ADGRB3: variants seen among roughly 807,000 people sequenced by gnomAD.
ADGRB3 encodes the protein brain-specific angiogenesis inhibitor 3.
A neutral mutation model predicts 193.4 loss-of-function variants in ADGRB3; 37 were observed. The observed-to-expected ratio is 0.19, with a 90% confidence interval of 0.15 to 0.25. The LOEUF is 0.25. ADGRB3 is among the 10% of genes least tolerant of loss of function. The pLI, the probability that ADGRB3 is intolerant of heterozygous loss-of-function variation, is 1.00. For synonymous variants in ADGRB3, 690 were observed against 644.2 expected (o/e 1.07, Z -1.08); for missense variants, 1,637 against 1,852.9 (o/e 0.88, Z 2.14).
chr6:68,697,911 TTTC>T (rs1385674015), intron 3 of ADGRB3, among the ~76,000 whole-genome samples: 1 of 151,660 alleles, frequency 6.6e-6, no homozygotes, highest in Non-Finnish European at 1.5e-5. Flanking sequence ...TAAAATTATA[TTTC>T]TTCATCTGTA....
chr6:68,875,040 C>T (rs1490512555), intron 3 of ADGRB3, among the ~76,000 whole-genome samples: 1 of 132,722 alleles, frequency 7.5e-6, no homozygotes, highest in Non-Finnish European at 1.7e-5. Context: ...TCTTTCTTTC[C>T]TCCTTCCTTC....
chr6:69,253,721 T>C (rs554466568), intron 20 of ADGRB3, among the ~76,000 whole-genome samples: 3 of 152,142 alleles, frequency 2.0e-5, no homozygotes, highest in African/African-American at 7.2e-5. Flanking sequence ...ATATTTTATG[T>C]GATTGCTTCC....
chr6:69,186,372 T>C (rs73745978), intron 17 of ADGRB3, among the ~76,000 whole-genome samples: 21,769 of 151,982 alleles, frequency 0.14, 1,603 homozygotes, highest in Middle Eastern at 0.16. Flanking sequence ...CATTGACTTT[T>C]TTCCCACTCA....
At chr6:69,352,333 A>G (rs1012906593) in intron 26 of ADGRB3, among the ~76,000 whole-genome samples, 1 of 152,248 alleles carries the variant, frequency 6.6e-6, no homozygotes, top group African/African-American at 2.4e-5. Context: ...TTATTTAGTT[A>G]TAAATATTTA....
At chr6:69,237,281 A>G (rs1356002114) in intron 19 of ADGRB3, among the ~76,000 whole-genome samples, 2 of 152,090 alleles carry the variant, frequency 1.3e-5, no homozygotes, top group South Asian at 2.1e-4. Context: ...TTTGATTTCT[A>G]AGGAGTTGTA....
chr6:69,164,437 A>T (rs1775080074), intron 17 of ADGRB3, among the ~76,000 whole-genome samples: 1 of 152,140 alleles, frequency 6.6e-6, no homozygotes, highest in Non-Finnish European at 1.5e-5. Context: ...CGGTAAGCAG[A>T]TGTTATCACA....
At chr6:68,652,826 G>A (rs946731336) in intron 3 of ADGRB3, among the ~76,000 whole-genome samples, 2 of 151,996 alleles carry the variant, frequency 1.3e-5, no homozygotes, top group Non-Finnish European at 2.9e-5. Context: ...TTCCTTTGGT[G>A]TTTACACATA....
intron 17 of ADGRB3, among the ~76,000 whole-genome samples, chr6:69,092,032 T>C (rs1350178001): frequency 6.6e-6 from 1 of 152,232 alleles, no homozygotes; most frequent in East Asian, 1.9e-4. Context: ...ATTTCCATTT[T>C]TTAAGCTTCA....
intron 17 of ADGRB3, among the ~76,000 whole-genome samples, chr6:69,199,576 A>G (rs910767899): frequency 1.3e-5 from 2 of 152,142 alleles, no homozygotes; most frequent in Non-Finnish European, 2.9e-5. Context: ...AAGTTTCTAA[A>G]AGTTAAGTTG....
chr6:69,245,231 A>G (rs1053934228), intron 20 of ADGRB3, among the ~76,000 whole-genome samples: 2 of 152,054 alleles, frequency 1.3e-5, no homozygotes, highest in African/African-American at 4.8e-5. Context: ...TTACAGTATT[A>G]TCAATCCCAT....
At position 69,239,120 on chromosome 6, in the gene ADGRB3, C is replaced by G; in HGVS notation, c.2712-4C>G. The G allele has an allele frequency of 6.4e-7, 1 of 1,552,658 alleles. No homozygotes were observed. The highest frequency in any genetic ancestry group is 8.9e-7 in the Non-Finnish European group (1 of 1,129,676). ...AGTTGGGTAACTTTTCTCTCTCTGGCTAGGTACATACGCTCTGAGAGATCC... is the reference window on the plus strand; with the variant it reads ...AGTTGGGTAACTTTTCTCTCTCTGGGTAGGTACATACGCTCTGAGAGATCC... On this transcript the variant is annotated splice_polypyrimidine_tract_variant and splice_region_variant and intron_variant, in intron 19 of 31. Transcript: ENST00000370598.
At chr6:69,343,136 ATTTTAT>A (rs1195669440) in intron 26 of ADGRB3, among the ~76,000 whole-genome samples, 2 of 97,980 alleles carry the variant, frequency 2.0e-5, no homozygotes, top group Non-Finnish European at 4.3e-5. Context: ...AGCCTAATTT[ATTTTAT>A]TTTTTTTATT....
At chr6:69,278,807 A>G (rs955523355) in intron 20 of ADGRB3, among the ~76,000 whole-genome samples, 2 of 151,908 alleles carry the variant, frequency 1.3e-5, no homozygotes, top group African/African-American at 4.8e-5. Context: ...GAGTAATAAT[A>G]TTGTCTTAGA....
rs192878787 is a variant in ADGRB3, at chr6:69,039,446, T to C, written c.2108-8739T>C. On this transcript the variant is annotated intron_variant, in intron 13 of 31. Coordinates refer to ENST00000370598, the MANE Select transcript of ADGRB3 (RefSeq NM_001704.3). ...GAGGGCTACCGTATGTCTAAGATGA[T>C]GTAGGCAAGCTTTTTCTGTAAAGGG... is the stretch of plus-strand genomic sequence containing the variant. Among the ~76,000 whole-genome samples the C allele has an allele frequency of 2.4e-3, 360 of 152,202 alleles. 1 individual carries two copies. Among genetic ancestry groups the C allele is most frequent in the African/African-American group, 8.4e-3 (350 of 41,544 alleles).
intron 3 of ADGRB3, among the ~76,000 whole-genome samples, chr6:68,698,219 A>G (rs988337479): frequency 6.6e-6 from 1 of 152,012 alleles, no homozygotes; most frequent in Non-Finnish European, 1.5e-5. Context: ...CTTGCAATTT[A>G]GAACACTTTG....
chr6:68,863,743 T>A (rs1324780366), intron 3 of ADGRB3, among the ~76,000 whole-genome samples: 1 of 152,166 alleles, frequency 6.6e-6, no homozygotes, highest in Non-Finnish European at 1.5e-5. Context: ...AAATGGCTGA[T>A]GATTATTGCC....
chr6:68,651,811 G>T (rs1252846446), intron 3 of ADGRB3, among the ~76,000 whole-genome samples: 1 of 152,172 alleles, frequency 6.6e-6, no homozygotes, highest in African/African-American at 2.4e-5. Context: ...GGTAGGAGAG[G>T]CAACTCCTCT....
At chr6:69,243,515 G>A (rs1056710923) in intron 20 of ADGRB3, among the ~76,000 whole-genome samples, 16 of 128,168 alleles carry the variant, frequency 1.2e-4, no homozygotes. Flanking sequence ...TAAAAGATAT[G>A]GGATATAGGC....
At chr6:68,856,793 G>A (rs1049505816) in intron 3 of ADGRB3, among the ~76,000 whole-genome samples, 2 of 152,198 alleles carry the variant, frequency 1.3e-5, no homozygotes, top group Non-Finnish European at 2.9e-5. Flanking sequence ...CAAAACAATG[G>A]GGAAAATGTC....
Sources: gnomAD v4.1 joint callset for allele counts (sites outside exome capture counted in the v4.1 genomes callset) on GRCh38, gnomAD v4.1.1 for gene constraint, MANE v1.5 for transcripts, NCBI Gene and HGNC (gene_info 2026-07-23, HGNC 2026-07-21) for gene names.